TSHR: variants seen among roughly 807,000 people sequenced by gnomAD.
The protein encoded by TSHR is thyroid stimulating hormone receptor.
A neutral mutation model predicts 64.1 loss-of-function variants in TSHR; 51 were observed. That is an observed-to-expected ratio of 0.80 (90% CI 0.64 to 1.01). The LOEUF (loss-of-function observed/expected upper bound fraction) is 1.01. Ranked by LOEUF, TSHR falls within the 50% of genes least tolerant of loss-of-function variation. TSHR has a pLI of 0.00. For synonymous variants in TSHR, 361 were observed against 361.9 expected, an observed-to-expected ratio of 1.00 and a Z score of 0.03; for missense variants, 877 against 942.8, an observed-to-expected ratio of 0.93 and a Z score of 0.91.
At chr14:81,090,233 T>C (rs1236970162) in intron 4 of TSHR, among the ~76,000 whole-genome samples, 1 of 152,180 alleles carries the variant, frequency 6.6e-6, no homozygotes, top group Non-Finnish European at 1.5e-5. Flanking sequence ...TTGATTGGTT[T>C]CCTTCCTTTT....
At chr14:81,140,731 T>C (rs2300537) in intron 9 of TSHR, among the ~76,000 whole-genome samples, 6,660 of 152,324 alleles carry the variant, frequency 0.044, 387 homozygotes, top group East Asian at 0.24. Context: ...TCAGCTTCTA[T>C]GTATTTAGTG....
At chr14:81,081,721 C>T (rs972706839) in intron 3 of TSHR, among the ~76,000 whole-genome samples, 1 of 152,176 alleles carries the variant, frequency 6.6e-6, no homozygotes, top group Non-Finnish European at 1.5e-5. Flanking sequence ...GATTGTATAG[C>T]ACTTAAAAAA....
chr14:81,100,577 A>G (rs1889514587), intron 7 of TSHR, among the ~76,000 whole-genome samples: 1 of 152,228 alleles, frequency 6.6e-6, no homozygotes, highest in South Asian at 2.1e-4. Context: ...GCTACTTCAG[A>G]TGCCAGTCAC....
chr14:80,991,638 T>C (rs1888730543), intron 1 of TSHR: 1 of 398,394 alleles, frequency 2.5e-6, no homozygotes, highest in Non-Finnish European at 4.4e-6. Context: ...AAGAAAGAGT[T>C]GATGGCTAAG....
intron 4 of TSHR, among the ~76,000 whole-genome samples, chr14:81,090,799 G>A (rs950816943): frequency 6.6e-6 from 1 of 152,070 alleles, no homozygotes; most frequent in Non-Finnish European, 1.5e-5. Context: ...AAACCCACTT[G>A]GTTAAAACAA....
chr14:81,085,088 A>G (rs559082138), intron 3 of TSHR, among the ~76,000 whole-genome samples: 2 of 152,204 alleles, frequency 1.3e-5, no homozygotes, highest in Non-Finnish European at 2.9e-5. Context: ...TGGCCTCCCA[A>G]ATAGCTGGAA....
rs529523457 is a variant in TSHR, at chr14:81,084,674, C to T, written c.318-3280C>T. The stretch of plus-strand genomic sequence containing the variant: ...AGCCATCTTCAGCTCTGGAGGGCAT[C>T]TCCATTCCTAGTGTGCTGTATTACA... On this transcript the variant is annotated intron_variant, in intron 3 of 9. Coordinates refer to ENST00000298171, the MANE Select transcript of TSHR (RefSeq NM_000369.5). Among the ~76,000 whole-genome samples the T allele has an allele frequency of 3.9e-5, 6 of 152,294 alleles. No homozygotes were observed. In the South Asian group the frequency reaches 1.0e-3, roughly 26 times the overall value.
intron 1 of TSHR, among the ~76,000 whole-genome samples, chr14:81,008,308 G>A (rs1889712247): frequency 6.6e-6 from 1 of 152,042 alleles, no homozygotes; most frequent in Non-Finnish European, 1.5e-5. Context: ...AATTAGCTGG[G>A]ACTACAGGCG....
At chr14:81,088,793 T>G (rs1014751784) in intron 4 of TSHR, among the ~76,000 whole-genome samples, 2 of 152,144 alleles carry the variant, frequency 1.3e-5, no homozygotes, top group African/African-American at 2.4e-5. Context: ...ACATTTCAGT[T>G]CATCTTCATC....
chr14:80,962,961 C>A (rs924786177), intron 1 of TSHR, among the ~76,000 whole-genome samples: 3 of 152,166 alleles, frequency 2.0e-5, no homozygotes, highest in African/African-American at 4.8e-5. Context: ...GTAATACATG[C>A]AAAATTATAG....
chr14:81,108,507 T>G lies in TSHR; in HGVS notation c.692+55T>G, dbSNP rs746751072. ...GTCTTTTTTTTTCTTTTTTTTTTTT[T>G]GGAATAAATGGAGACATTAAGGGGA... On this transcript the variant is annotated intron_variant, in intron 8 of 9. Coordinates refer to ENST00000298171, the MANE Select transcript of TSHR (RefSeq NM_000369.5). 2.5e-6 allele frequency: 4 copies of G among 1,576,960 alleles called. No individual in the cohort carries two copies. The East Asian group carries it at 8.9e-5, about 35-fold the overall frequency.
At chr14:81,028,504 C>A (rs1423064527) in intron 1 of TSHR, among the ~76,000 whole-genome samples, 1 of 151,814 alleles carries the variant, frequency 6.6e-6, no homozygotes, top group Non-Finnish European at 1.5e-5. Flanking sequence ...GAGTTGGGAT[C>A]CCAAAGGGCT....
At chr14:81,071,811 C>A (rs781620410) in intron 3 of TSHR, among the ~76,000 whole-genome samples, 13 of 152,180 alleles carry the variant, frequency 8.5e-5, no homozygotes, top group Non-Finnish European at 1.9e-4. Flanking sequence ...GTGGTATCAA[C>A]ATTTTCATGC....
chr14:81,112,009 G>A (rs1890243698), intron 8 of TSHR, among the ~76,000 whole-genome samples: 1 of 151,866 alleles, frequency 6.6e-6, no homozygotes, highest in Admixed American at 6.6e-5. Context: ...TATATTTATG[G>A]CAAGATTTTC....
intron 1 of TSHR, among the ~76,000 whole-genome samples, chr14:80,984,318 A>C (rs1336020064): frequency 6.6e-6 from 1 of 152,202 alleles, no homozygotes; most frequent in African/African-American, 2.4e-5. Context: ...CATTTATGTC[A>C]AAGTCATCTC....
At chr14:80,995,708 G>A (rs986689053) in intron 1 of TSHR, 1 of 143,414 alleles carries the variant, frequency 7.0e-6, no homozygotes, top group African/African-American at 2.5e-5. Context: ...GAGAGGATTA[G>A]GAAAAACGAC....
intron 1 of TSHR, among the ~76,000 whole-genome samples, chr14:80,959,110 G>A (rs1886877865): frequency 6.6e-6 from 1 of 152,136 alleles, no homozygotes; most frequent in African/African-American, 2.4e-5. Flanking sequence ...AGGGGAGAGA[G>A]TTACGGACTG....
At chr14:81,043,208 C>A (rs760687242) in intron 1 of TSHR, among the ~76,000 whole-genome samples, 3 of 152,088 alleles carry the variant, frequency 2.0e-5, no homozygotes, top group Non-Finnish European at 2.9e-5. Flanking sequence ...AGCCCAAAAG[C>A]TTCTTAAGCT....
At chr14:80,995,260 G>A (rs1476660561) in intron 1 of TSHR, 1 of 152,162 alleles carries the variant, frequency 6.6e-6, no homozygotes, top group Non-Finnish European at 1.5e-5. Flanking sequence ...AGCCATTGTG[G>A]AAGACAACGT....
Sources: gnomAD v4.1 joint callset for allele counts (sites outside exome capture counted in the v4.1 genomes callset) on GRCh38, gnomAD v4.1.1 for gene constraint, MANE v1.5 for transcripts, NCBI Gene and HGNC (gene_info 2026-07-23, HGNC 2026-07-21) for gene names.